The following ZNF254 variants were observed in gnomAD, a reference collection of about 807,000 sequenced individuals.
ZNF254 encodes zinc finger protein 254, also known as CTD-2017D11.1.
ZNF254 carries 10 observed loss-of-function variants against 12.4 expected under a neutral mutation model. The observed-to-expected ratio is 0.80, with a 90% CI of 0.50 to 1.36. ZNF254 has a LOEUF of 1.36. Ranked by LOEUF, ZNF254 falls within the 40% of genes most tolerant of loss-of-function variation. ZNF254 has a pLI of 0.00. For missense variants in ZNF254, 996 were observed against 763.9 expected (o/e 1.30, Z -3.58); for synonymous variants, 305 against 253.4 (o/e 1.20, Z -1.93).
chr19:24,115,165 C>T (rs1274467935), intron 3 of ZNF254, among the ~76,000 whole-genome samples: 1 of 151,998 alleles, frequency 6.6e-6, no homozygotes, highest in East Asian at 1.9e-4. Flanking sequence ...CCCACCCAAC[C>T]CATTACTGGG....
chr19:24,061,587 C>T (rs188702038), intron 2 of ZNF254, among the ~76,000 whole-genome samples: 218 of 152,310 alleles, frequency 1.4e-3, no homozygotes, highest in African/African-American at 4.7e-3. Flanking sequence ...TGTGACTCTC[C>T]TGCCTTTTCA....
chr19:24,049,214 A>ATATATTTTTTTTTT (rs1160333151), intron 2 of ZNF254, among the ~76,000 whole-genome samples: 12 of 40,846 alleles, frequency 2.9e-4, no homozygotes, highest in Non-Finnish European at 4.5e-4. Context: ...ATATATATAT[A>ATATATTTTTTTTTT]TTTTTTTTTT....
intron 1 of ZNF254, among the ~76,000 whole-genome samples, chr19:24,035,985 C>G (rs1599559069): frequency 6.6e-6 from 1 of 152,270 alleles, no homozygotes; most frequent in South Asian, 2.1e-4. Flanking sequence ...CTGTATGTTT[C>G]TTACATTTAG....
intron 2 of ZNF254, among the ~76,000 whole-genome samples, chr19:24,061,621 A>G (rs1325106431): frequency 2.0e-5 from 3 of 152,156 alleles, no homozygotes; most frequent in African/African-American, 7.2e-5. Context: ...AAAAAATTAC[A>G]TATCATTTGC....
Position 24,106,620 on chromosome 19 carries a change from A to G in ZNF254, c.230A>G (p.His77Arg), listed in dbSNP as rs142947736. Reference sequence around the variant, plus strand: ...AAAGAGCCCTGGAATATGAAGCGACATGAGATGGTGGATGAACCCCCAGGT... The same window carrying G: ...AAAGAGCCCTGGAATATGAAGCGACGTGAGATGGTGGATGAACCCCCAGGT... Reference protein sequence around the residue: ...QGKEPWNMKRHEMVDEPPGMC... With the variant: ...QGKEPWNMKRREMVDEPPGMC... Residue 77 changes from histidine to arginine, a missense_variant, in exon 3 of 4, where the codon CAT becomes CGT. By Grantham distance (29) the His-to-Arg change is conservative (BLOSUM62 0). Coordinates refer to ENST00000357002, the MANE Select transcript of ZNF254 (RefSeq NM_203282.4). 1.0e-4 allele frequency: 163 copies of G among 1,582,922 alleles called. No homozygotes were observed. In the African/African-American group the frequency reaches 1.4e-3, roughly 13 times the overall value.
upstream of ZNF254, among the ~76,000 whole-genome samples, chr19:24,085,685 T>C (rs1972011679): frequency 6.6e-6 from 1 of 151,618 alleles, no homozygotes; most frequent in Non-Finnish European, 1.5e-5. Flanking sequence ...GGCTGGAGAA[T>C]CGCTTGAACT....
Position 24,075,936 on chromosome 19 carries a change from C to T in ZNF254, c.-94+29657C>T, listed in dbSNP as rs1406579101. Among the ~76,000 whole-genome samples the T allele has an allele frequency of 2.0e-5, 3 of 152,288 alleles. 1 individual carries two copies. Among genetic ancestry groups the T allele is most frequent in the South Asian group, 4.1e-4 (2 of 4,832 alleles). On this transcript the variant is annotated intron_variant, in intron 2 of 4. Coordinates refer to the ZNF254 transcript ENST00000613065. ...AGAATTCAGTGATATTTCTCCTATT[C>T]ACTTTTGCAAAAAGAGAAGTATGAC...
intron 1 of ZNF254, among the ~76,000 whole-genome samples, chr19:24,045,246 C>G (rs939387390): frequency 3.3e-5 from 5 of 152,152 alleles, no homozygotes; most frequent in Admixed American, 1.3e-4. Context: ...AGTTTAAGCC[C>G]CTGCACCTGG....
intron 2 of ZNF254, among the ~76,000 whole-genome samples, chr19:24,074,023 G>C (rs1971571560): frequency 6.6e-6 from 1 of 152,130 alleles, no homozygotes. Flanking sequence ...ATTTGCCTCA[G>C]CACTGCCCAC....
intron 2 of ZNF254, among the ~76,000 whole-genome samples, chr19:24,057,735 T>A (rs1481046312): frequency 1.3e-5 from 2 of 152,232 alleles, no homozygotes; most frequent in African/African-American, 4.8e-5. Context: ...AGACCAAGAT[T>A]GAACACACTG....
chr19:24,047,121 G>A (rs1013951775), intron 2 of ZNF254, among the ~76,000 whole-genome samples: 3 of 151,644 alleles, frequency 2.0e-5, no homozygotes, highest in Non-Finnish European at 2.9e-5. Context: ...CTCATGCCTC[G>A]GCTTCCCAAA....
chr19:24,065,795 G>A (rs1178341915), intron 2 of ZNF254: 1 of 152,152 alleles, frequency 6.6e-6, no homozygotes, highest in Non-Finnish European at 1.5e-5. Flanking sequence ...TGCCTTACCT[G>A]TTGTGGCACA....
rs140185339 is a variant in ZNF254 at position 24,127,233 on chromosome 19, C to G, written c.1233C>G (p.Cys411Trp). The stretch of plus-strand genomic sequence containing the variant: ...AGAAACTCTACAAATGTGAAGAATG[C>G]GGCAAAGGTTTTAATCGATCTTCAA... ...VGEKLYKCEE[C>W]GKGFNRSSNL... is the part of the protein sequence containing the mutation. The change falls in exon 4 of 4, where the codon TGC (cysteine) becomes TGG (tryptophan). Residue 411 changes from cysteine (C) to tryptophan (W), a missense_variant. Physicochemically the swap from Cys to Trp is radical, Grantham distance 215. Coordinates refer to ENST00000357002, the MANE Select transcript of ZNF254 (RefSeq NM_203282.4). 1.9e-6 allele frequency: 3 copies of G among 1,609,868 alleles called. No individual in the cohort carries two copies. The highest frequency in any genetic ancestry group is 2.5e-6 in the Non-Finnish European group (3 of 1,178,682).
At chr19:24,035,390 T>C in intron 1 of ZNF254, among the ~76,000 whole-genome samples, 2 of 152,136 alleles carry the variant, frequency 1.3e-5, no homozygotes, top group Non-Finnish European at 2.9e-5. Flanking sequence ...CCAAAACTCC[T>C]GACCTCAGGT....
intron 1 of ZNF254, among the ~76,000 whole-genome samples, chr19:24,088,766 C>T (rs1409462112): frequency 1.3e-5 from 2 of 151,918 alleles, no homozygotes; most frequent in Non-Finnish European, 2.9e-5. Flanking sequence ...AAATGATTCT[C>T]TTGTCTCAGT....
At chr19:24,100,524 C>T (rs1972952659) in intron 1 of ZNF254, among the ~76,000 whole-genome samples, 1 of 152,122 alleles carries the variant, frequency 6.6e-6, no homozygotes, top group South Asian at 2.1e-4. Context: ...CATCTCTTGA[C>T]ATTGTTCACT....
chr19:24,049,835 C>T (rs1970579387), intron 2 of ZNF254, among the ~76,000 whole-genome samples: 1 of 152,076 alleles, frequency 6.6e-6, no homozygotes, highest in Admixed American at 6.6e-5. Context: ...GCATCCATCA[C>T]ACAGGTAATG....
chr19:24,124,905 C>T (rs1475131573), intron 3 of ZNF254, among the ~76,000 whole-genome samples: 6 of 152,034 alleles, frequency 3.9e-5, no homozygotes, highest in African/African-American at 1.4e-4. Context: ...CAGCCTCAGC[C>T]TCCTGAGTAG....
chr19:24,126,283 T>A lies in ZNF254; in HGVS notation c.283T>A (p.Trp95Arg), dbSNP rs1405497752. The A allele has an allele frequency of 6.6e-7, 1 of 1,525,856 alleles. No homozygotes were observed. The highest frequency in any genetic ancestry group is 8.8e-7 in the Non-Finnish European group (1 of 1,141,210). The allele number at this position is 1,525,856 out of a possible 1,614,324, so 94.5% of individuals were successfully genotyped here. A position where few individuals can be genotyped will look rare whatever the true frequency, so the allele number is the denominator to read the frequency against. ...GTGTCCTCATTTTGCTCAAGACCTTTGGCCAGAGCAGGGCATGGAAGATTC... is the reference window on the plus strand; with the variant it reads ...GTGTCCTCATTTTGCTCAAGACCTTAGGCCAGAGCAGGGCATGGAAGATTC... ...GMCPHFAQDLWPEQGMEDSFQ... is the reference protein window; with the variant it reads ...GMCPHFAQDLRPEQGMEDSFQ... The change falls in exon 4 of 4, where the codon TGG becomes AGG. Residue 95 changes from tryptophan (W) to arginine (R), a missense_variant. Physicochemically the swap from Trp to Arg is moderately radical, Grantham distance 101. Transcript: ENST00000357002.
Sources: allele counts gnomAD v4.1 joint callset (sites outside exome capture counted in the v4.1 genomes callset), GRCh38; gene constraint gnomAD v4.1.1; transcripts MANE v1.5; gene names NCBI Gene and HGNC (gene_info 2026-07-23, HGNC 2026-07-21).